The following C12orf56 variants were observed in gnomAD, a reference collection of about 807,000 sequenced individuals.
The protein encoded by C12orf56 is chromosome 12 open reading frame 56.
C12orf56 carries 71 observed loss-of-function variants against 69.9 expected under a neutral mutation model. The ratio of observed to expected loss-of-function variants is 1.02; its 90% CI spans 0.84 to 1.24. The LOEUF (loss-of-function observed/expected upper bound fraction) is 1.24. C12orf56 is among the 50% of genes most tolerant of loss of function. The pLI, the probability that C12orf56 is intolerant of heterozygous loss-of-function variation, is 0.00. For synonymous variants in C12orf56, 276 were observed against 274.1 expected (o/e 1.01, Z -0.07); for missense variants, 732 against 738.5 (o/e 0.99, Z 0.10).
intron 1 of C12orf56, among the ~76,000 whole-genome samples, chr12:64,378,403 T>C (rs2039668803): frequency 6.6e-6 from 1 of 152,104 alleles, no homozygotes; most frequent in South Asian, 2.1e-4. Context: ...AAACCTCTTA[T>C]ACTAAGATGT....
intron 2 of C12orf56, among the ~76,000 whole-genome samples, chr12:64,335,983 T>G (rs1375058654): frequency 2.0e-5 from 3 of 152,198 alleles, no homozygotes; most frequent in Non-Finnish European, 4.4e-5. Flanking sequence ...TCATCATTAT[T>G]AACATATTAA....
At chr12:64,333,446 C>T (rs1000633613) in intron 2 of C12orf56, among the ~76,000 whole-genome samples, 3 of 151,882 alleles carry the variant, frequency 2.0e-5, no homozygotes, top group Non-Finnish European at 4.4e-5. Context: ...AAAAAAACAA[C>T]TTTAGTGTTC....
At chr12:64,369,157 CAAA>C (rs56135769) in intron 1 of C12orf56, among the ~76,000 whole-genome samples, 3 of 136,960 alleles carry the variant, frequency 2.2e-5, no homozygotes, top group Non-Finnish European at 1.6e-5. Context: ...CATCTCTCTA[CAAA>C]AAAAAAAAAA....
At chr12:64,323,565 C>CTT (rs375927934) in intron 3 of C12orf56, among the ~76,000 whole-genome samples, 30 of 130,822 alleles carry the variant, frequency 2.3e-4, no homozygotes, top group African/African-American at 4.9e-4. Flanking sequence ...CAAACATTTC[C>CTT]TTTTTTTTTT....
At position 64,308,131 on chromosome 12, in the gene C12orf56, C is replaced by A. The variant is rs148043362; in HGVS notation, c.969-4352G>T. ...CTTAGGATTTCGAGACCAGCCTGGG[C>A]AACATGGCAAAACCCAGTCTCTACT... is the stretch of plus-strand genomic sequence containing the variant. On this transcript the variant is annotated intron_variant, in intron 5 of 12. Coordinates refer to ENST00000543942, the MANE Select transcript of C12orf56 (RefSeq NM_001170633.2). 3.0e-3 allele frequency among the ~76,000 whole-genome samples: 457 copies of A among 152,004 alleles called. 15 individuals are homozygous for A. The East Asian group carries it at 0.073, about 24-fold the overall frequency.
intron 5 of C12orf56, among the ~76,000 whole-genome samples, chr12:64,304,839 C>T (rs1207991675): frequency 1.3e-5 from 2 of 152,042 alleles, no homozygotes; most frequent in Non-Finnish European, 2.9e-5. Context: ...GTTTAAGTAA[C>T]CTGTCCAAGC....
At chr12:64,271,616 T>C (rs2037991888) in intron 11 of C12orf56, among the ~76,000 whole-genome samples, 1 of 152,202 alleles carries the variant, frequency 6.6e-6, no homozygotes, top group African/African-American at 2.4e-5. Flanking sequence ...ATGTTGCAAC[T>C]GGCCCTTCCC....
At chr12:64,358,902 G>A (rs2135958393) in intron 1 of C12orf56, among the ~76,000 whole-genome samples, 1 of 152,148 alleles carries the variant, frequency 6.6e-6, no homozygotes, top group East Asian at 1.9e-4. Flanking sequence ...AAGTAAAGAG[G>A]GCAAAGTGTT....
chr12:64,270,967 A>G (rs1442301116), intron 11 of C12orf56, among the ~76,000 whole-genome samples: 2 of 152,266 alleles, frequency 1.3e-5, no homozygotes, highest in East Asian at 3.9e-4. Context: ...GGAGTTCGAG[A>G]TCAGCCTGAC....
rs1056987011 is a variant in C12orf56, at chr12:64,264,782, G to C, written c.*2401C>G. On this transcript the variant is annotated 3_prime_UTR_variant, in exon 13 of 13. Transcript: ENST00000543942. ...AAGAATAGTGGTTGGACAATCCTTC[G>C]AATTATTAGTTTCTGATCCCAGACT... 6.6e-6 allele frequency: 1 copy of C among 152,158 alleles called. No individual in the cohort carries two copies. Among genetic ancestry groups the C allele is most frequent in the South Asian group, 2.1e-4 (1 of 4,826 alleles). 9.4% of individuals were successfully genotyped at this position (152,158 alleles called of 1,614,324 possible). A position where few individuals can be genotyped will look rare whatever the true frequency, so the allele number is the denominator to read the frequency against.
chr12:64,308,406 CTAAA>C (rs1350237044), intron 5 of C12orf56, among the ~76,000 whole-genome samples: 3 of 152,040 alleles, frequency 2.0e-5, no homozygotes, highest in Admixed American at 6.6e-5. Flanking sequence ...AAAATCAAGA[CTAAA>C]TAAGATATTT....
chr12:64,366,898 G>C (rs12301945), intron 1 of C12orf56, among the ~76,000 whole-genome samples: 128 of 123,836 alleles, frequency 1.0e-3, no homozygotes, highest in African/African-American at 2.2e-3. Context: ...ATAACATACA[G>C]TTTATATATT....
rs2038178090 is a variant in C12orf56, at chr12:64,284,769, T to C, written c.1221-16A>G. The C allele has an allele frequency of 1.3e-6, 2 of 1,548,370 alleles. No individual in the cohort carries two copies. Among genetic ancestry groups the C allele is most frequent in the African/African-American group, 1.4e-5 (1 of 72,686 alleles). ...AATGCATGCCCTAGAAAATAAACGA[T>C]AAAAGGCAAAGAAATGGCATGATTT... On this transcript the variant is annotated splice_polypyrimidine_tract_variant and intron_variant, in intron 7 of 12. Transcript: ENST00000543942.
At chr12:64,311,532 G>T (rs2038617100) in intron 5 of C12orf56, among the ~76,000 whole-genome samples, 1 of 152,064 alleles carries the variant, frequency 6.6e-6, no homozygotes, top group Non-Finnish European at 1.5e-5. Context: ...TGATAAATAA[G>T]CTGAGACTTG....
chr12:64,293,673 G>T (rs544271364), intron 6 of C12orf56, among the ~76,000 whole-genome samples: 1 of 152,298 alleles, frequency 6.6e-6, no homozygotes, highest in Non-Finnish European at 1.5e-5. Context: ...ACTGATTCAT[G>T]AATTTTCACT....
chr12:64,352,772 GC>G lies in C12orf56; in HGVS notation c.415+121del, dbSNP rs1256388656. On this transcript the variant is annotated intron_variant, in intron 2 of 12. Transcript: ENST00000543942. ...TCCCCATGCCTAAATTTTCCTGGCT[GC>G]GTGATAGGAACCTGGATTTTAACTG... 7.7e-5 allele frequency: 65 copies of G among 846,788 alleles called. No homozygotes were observed. In the Middle Eastern group the frequency reaches 1.5e-3, roughly 20 times the overall value. 52.5% of individuals were successfully genotyped at this position (846,788 alleles called of 1,614,324 possible).
intron 3 of C12orf56, among the ~76,000 whole-genome samples, chr12:64,325,372 A>AAG (rs1555189852): frequency 1.9e-3 from 266 of 141,356 alleles, no homozygotes; most frequent in African/African-American, 3.3e-3. Flanking sequence ...AAAAAAAAAA[A>AAG]AAGAAGAAGA....
chr12:64,353,669 T>C (rs2039264768), intron 1 of C12orf56, among the ~76,000 whole-genome samples: 1 of 152,164 alleles, frequency 6.6e-6, no homozygotes, highest in Admixed American at 6.5e-5. Flanking sequence ...CCCTCTCCAC[T>C]TCCATTTTAT....
chr12:64,366,070 A>T (rs1315409264), intron 1 of C12orf56, among the ~76,000 whole-genome samples: 6 of 125,172 alleles, frequency 4.8e-5, no homozygotes, highest in African/African-American at 1.9e-4. Flanking sequence ...AGCTTGTATA[A>T]TATATAGTTT....
Sources: allele counts gnomAD v4.1 joint callset (sites outside exome capture counted in the v4.1 genomes callset), GRCh38; gene constraint gnomAD v4.1.1; transcripts MANE v1.5; gene names NCBI Gene and HGNC (gene_info 2026-07-23, HGNC 2026-07-21).